ATXN8OS: variants seen among roughly 807,000 people sequenced by gnomAD.
ATXN8OS encodes ATXN8 opposite strand lncRNA, also known as ATXN8 opposite strand (non-protein coding).
At chr13:70,145,916 T>A (rs1888778924) in intron 3 of ATXN8OS, among the ~76,000 whole-genome samples, 2 of 149,178 alleles carry the variant, frequency 1.3e-5, no homozygotes, top group Admixed American at 1.3e-4. Flanking sequence ...ACAAATGGGA[T>A]CTAATTAAAC....
At chr13:70,153,593 TAAAC>T (rs1435077181) in intron 4 of ATXN8OS, among the ~76,000 whole-genome samples, 2 of 152,096 alleles carry the variant, frequency 1.3e-5, no homozygotes, top group Non-Finnish European at 2.9e-5. Flanking sequence ...TAAATAAAAA[TAAAC>T]AATTCTTATT....
chr13:70,136,270 A>G (rs887406676), intron 3 of ATXN8OS, among the ~76,000 whole-genome samples: 36 of 152,206 alleles, frequency 2.4e-4, no homozygotes, highest in African/African-American at 8.2e-4. Context: ...GCAGTTCGTT[A>G]TATAGCAACT....
chr13:70,117,034 A>C (rs142526827), intron 2 of ATXN8OS, among the ~76,000 whole-genome samples: 1 of 152,226 alleles, frequency 6.6e-6, no homozygotes, highest in East Asian at 1.9e-4. Context: ...ATATTCCTAC[A>C]AGATAAAGTA....
intron 4 of ATXN8OS, among the ~76,000 whole-genome samples, chr13:70,150,569 G>T (rs890922833): frequency 2.6e-5 from 4 of 152,062 alleles, no homozygotes; most frequent in African/African-American, 9.7e-5. Context: ...ATATACTCTA[G>T]GAGAAGTGGT....
intron 4 of ATXN8OS, among the ~76,000 whole-genome samples, chr13:70,153,755 C>CT (rs1888901980): frequency 1.3e-5 from 2 of 152,138 alleles, no homozygotes; most frequent in Admixed American, 1.3e-4. Context: ...TCACAGCTCA[C>CT]TGCAGCCTTG....
intron 1 of ATXN8OS, chr13:70,108,382 A>T: frequency 5.4e-6 from 1 of 185,236 alleles, no homozygotes; most frequent in Non-Finnish European, 1.1e-5. Flanking sequence ...AGAGAAAAAT[A>T]GATATTCTAG....
At chr13:70,135,146 TTTTC>T (rs1448865113) in intron 3 of ATXN8OS, among the ~76,000 whole-genome samples, 1 of 152,154 alleles carries the variant, frequency 6.6e-6, no homozygotes, top group African/African-American at 2.4e-5. Context: ...TTGCCTGACT[TTTTC>T]TTTATTATCA....
At chr13:70,112,920 A>ATATATTTTT (rs1555298511) in intron 1 of ATXN8OS, among the ~76,000 whole-genome samples, 1,085 of 87,210 alleles carry the variant, frequency 0.012, 42 homozygotes, top group Non-Finnish European at 0.018. Flanking sequence ...TATATATATA[A>ATATATTTTT]TTTTTTTTTT....
chr13:70,166,115 C>G (rs1889072786), intron 4 of ATXN8OS, among the ~76,000 whole-genome samples: 1 of 151,950 alleles, frequency 6.6e-6, no homozygotes, highest in African/African-American at 2.4e-5. Context: ...CATTAAGGAT[C>G]AGGATAAGAT....
intron 1 of ATXN8OS, among the ~76,000 whole-genome samples, chr13:70,108,738 G>A (rs963517372): frequency 2.0e-5 from 3 of 152,190 alleles, no homozygotes; most frequent in African/African-American, 7.2e-5. Context: ...AACTTAATAG[G>A]CTGCCATCAG....
At chr13:70,167,912 AT>A (rs1889097626) in intron 4 of ATXN8OS, among the ~76,000 whole-genome samples, 1 of 151,402 alleles carries the variant, frequency 6.6e-6, no homozygotes, top group Non-Finnish European at 1.5e-5. Flanking sequence ...ATTTTTTTGT[AT>A]TTTTAATAGA....
intron 2 of ATXN8OS, among the ~76,000 whole-genome samples, chr13:70,120,204 T>C (rs1888338417): frequency 6.6e-6 from 1 of 152,098 alleles, no homozygotes; most frequent in African/African-American, 2.4e-5. Context: ...TATGTCCCCT[T>C]TCAATAGGAT....
intron 3 of ATXN8OS, among the ~76,000 whole-genome samples, chr13:70,140,055 T>C (rs903536028): frequency 6.6e-6 from 1 of 152,140 alleles, no homozygotes; most frequent in African/African-American, 2.4e-5. Flanking sequence ...GCTACAACTC[T>C]TCATAAAAAA....
chr13:70,139,717 A>C (rs1888680995), intron 3 of ATXN8OS, among the ~76,000 whole-genome samples: 1 of 152,132 alleles, frequency 6.6e-6, no homozygotes, highest in Non-Finnish European at 1.5e-5. Context: ...AACAGTATTC[A>C]CTGTATATTA....
intron 2 of ATXN8OS, among the ~76,000 whole-genome samples, chr13:70,125,950 A>C (rs1888427454): frequency 6.6e-6 from 1 of 152,092 alleles, no homozygotes; most frequent in South Asian, 2.1e-4. Flanking sequence ...ATGCCTGTTT[A>C]CTTTAGCTAA....
At chr13:70,128,784 G>A (rs769555930) in intron 2 of ATXN8OS, among the ~76,000 whole-genome samples, 10 of 151,638 alleles carry the variant, frequency 6.6e-5, no homozygotes, top group Non-Finnish European at 1.3e-4. Flanking sequence ...TCTCTTTAAG[G>A]TATCTTATGT....
chr13:70,110,635 TTGGATA>T (rs1004687699), intron 1 of ATXN8OS, among the ~76,000 whole-genome samples: 6 of 151,862 alleles, frequency 4.0e-5, no homozygotes, highest in Non-Finnish European at 8.8e-5. Flanking sequence ...AATAATTTGG[TTGGATA>T]TTATGGCTTA....
intron 4 of ATXN8OS, among the ~76,000 whole-genome samples, chr13:70,151,933 T>C (rs302034): frequency 0.78 from 119,134 of 151,862 alleles, 47,346 homozygotes; most frequent in Middle Eastern, 0.88. Context: ...ATCATTTCAC[T>C]CATCAGTTTA....
rs73522639 is a variant in ATXN8OS at position 70,163,121 on chromosome 13, G to A, written n.574-6632G>A. ...ATCAATAATTATAATAACAATAATAGTAATTATGACAAATCCTGATAGTAA... is the reference window on the plus strand; with the variant it reads ...ATCAATAATTATAATAACAATAATAATAATTATGACAAATCCTGATAGTAA... On this transcript the variant is annotated intron_variant and non_coding_transcript_variant, in intron 4 of 4. Coordinates refer to ENST00000678624, the Ensembl canonical transcript of ATXN8OS. Among the ~76,000 whole-genome samples the A allele has an allele frequency of 6.0e-3, 912 of 152,018 alleles. 13 individuals carry two copies. Among genetic ancestry groups the A allele is most frequent in the African/African-American group, 0.021 (853 of 41,482 alleles).
Sources: allele counts gnomAD v4.1 joint callset (sites outside exome capture counted in the v4.1 genomes callset), GRCh38; gene constraint gnomAD v4.1.1; transcripts MANE v1.5; gene names NCBI Gene and HGNC (gene_info 2026-07-23, HGNC 2026-07-21).